Variants in CDK14 observed in about 807,000 individuals in gnomAD.
The protein encoded by CDK14 is cyclin dependent kinase 14.
CDK14 carries 34 observed loss-of-function variants against 60.7 expected under a neutral mutation model. The observed-to-expected ratio is 0.56, with a 90% CI of 0.43 to 0.75. The LOEUF (loss-of-function observed/expected upper bound fraction) is 0.75. Ranked by LOEUF, CDK14 falls within the 30% of genes least tolerant of loss-of-function variation. CDK14 has a pLI of 0.00. For synonymous variants in CDK14, 197 were observed against 203.7 expected (o/e 0.97, Z 0.28); for missense variants, 482 against 564.1 (o/e 0.85, Z 1.47).
At chr7:90,724,743 T>G (rs1321340943) in intron 2 of CDK14, among the ~76,000 whole-genome samples, 1 of 152,086 alleles carries the variant, frequency 6.6e-6, no homozygotes, top group South Asian at 2.1e-4. Context: ...GTAATTTGAT[T>G]TCAACGTGCC....
At chr7:91,039,478 G>A (rs76912813) in intron 10 of CDK14, among the ~76,000 whole-genome samples, 61 of 152,200 alleles carry the variant, frequency 4.0e-4, no homozygotes, top group African/African-American at 1.4e-3. Flanking sequence ...AAAAACGTGG[G>A]TCCCCTCCAC....
rs1032460591 is a variant in CDK14 at position 91,209,116 on chromosome 7, A to G, written c.*1980A>G. On this transcript the variant is annotated 3_prime_UTR_variant, in exon 15 of 15. Transcript: ENST00000380050. ...TTTGGAGAAGAGGCATGACCTTTGTATTTCACTAAGTTTAAAGCAAGAGCA... is the reference window on the plus strand; with the variant it reads ...TTTGGAGAAGAGGCATGACCTTTGTGTTTCACTAAGTTTAAAGCAAGAGCA... 2 of 152,498 alleles carry G rather than the reference A, an allele frequency of 1.3e-5. No individual in the cohort carries two copies. The highest frequency in any genetic ancestry group is 6.5e-5 in the Admixed American group (1 of 15,290). The allele number at this position is 152,498 out of a possible 1,614,324, so 9.4% of individuals were successfully genotyped here.
chr7:90,808,837 CT>C (rs1788972657), intron 5 of CDK14, among the ~76,000 whole-genome samples: 1 of 152,068 alleles, frequency 6.6e-6, no homozygotes, highest in South Asian at 2.1e-4. Context: ...ATAAGACAGA[CT>C]TTAAACCAAC....
chr7:90,733,424 T>C (rs1802954223), intron 3 of CDK14, among the ~76,000 whole-genome samples: 1 of 151,876 alleles, frequency 6.6e-6, no homozygotes, highest in African/African-American at 2.4e-5. Context: ...CTGTCTGATA[T>C]TAAAGTTTCC....
intron 6 of CDK14, among the ~76,000 whole-genome samples, chr7:90,864,219 G>A (rs1434784481): frequency 3.3e-5 from 5 of 151,872 alleles, no homozygotes; most frequent in Non-Finnish European, 5.9e-5. Context: ...TGAAGAAGCC[G>A]TTTATCTTGT....
chr7:91,167,028 C>T (rs937661426), intron 14 of CDK14, among the ~76,000 whole-genome samples: 1 of 152,192 alleles, frequency 6.6e-6, no homozygotes. Context: ...TTAGTATAGA[C>T]AAATTGTACT....
At chr7:90,823,110 C>T (rs931243894) in intron 5 of CDK14, among the ~76,000 whole-genome samples, 9 of 152,160 alleles carry the variant, frequency 5.9e-5, no homozygotes, top group African/African-American at 1.4e-4. Flanking sequence ...TCTGTGTCCA[C>T]CCTCTTTATG....
At chr7:90,837,378 C>T (rs1192041472) in intron 5 of CDK14, among the ~76,000 whole-genome samples, 2 of 151,592 alleles carry the variant, frequency 1.3e-5, no homozygotes, top group Non-Finnish European at 2.9e-5. Context: ...ACCTCCACCT[C>T]CTGGGTTCAA....
At chr7:91,068,473 GAAA>G (rs2116164073) in intron 11 of CDK14, among the ~76,000 whole-genome samples, 1 of 152,236 alleles carries the variant, frequency 6.6e-6, no homozygotes, top group African/African-American at 2.4e-5. Context: ...AATTACCACA[GAAA>G]GATTAATTTC....
At chr7:91,095,837 T>G (rs573511795) in intron 12 of CDK14, among the ~76,000 whole-genome samples, 3 of 152,106 alleles carry the variant, frequency 2.0e-5, no homozygotes, top group Admixed American at 2.0e-4. Context: ...GAATTTTGGG[T>G]GATTATTTTT....
At chr7:90,966,146 G>T (rs2117609280) in intron 9 of CDK14, among the ~76,000 whole-genome samples, 1 of 151,960 alleles carries the variant, frequency 6.6e-6, no homozygotes, top group African/African-American at 2.4e-5. Context: ...GTATTACTTT[G>T]ATATTGGAAC....
chr7:91,126,222 C>T (rs1305491693), intron 14 of CDK14, among the ~76,000 whole-genome samples: 1 of 152,088 alleles, frequency 6.6e-6, no homozygotes, highest in Non-Finnish European at 1.5e-5. Flanking sequence ...ACTGATTCTG[C>T]ACAGGCAGGA....
chr7:90,958,173 G>A (rs571594171), intron 9 of CDK14, among the ~76,000 whole-genome samples: 1 of 152,044 alleles, frequency 6.6e-6, no homozygotes, highest in Non-Finnish European at 1.5e-5. Flanking sequence ...AAACGTTATG[G>A]TGAGAAAACA....
chr7:90,910,498 A>G (rs775103431), intron 7 of CDK14, among the ~76,000 whole-genome samples: 2 of 152,200 alleles, frequency 1.3e-5, no homozygotes, highest in Non-Finnish European at 2.9e-5. Flanking sequence ...AAGGTTGTGC[A>G]GTCTATGGGT....
intron 5 of CDK14, among the ~76,000 whole-genome samples, chr7:90,796,787 G>C (rs1239199411): frequency 6.6e-6 from 1 of 151,858 alleles, no homozygotes; most frequent in Non-Finnish European, 1.5e-5. Context: ...TGTCTTGTTG[G>C]GAATGTGGGA....
intron 2 of CDK14, among the ~76,000 whole-genome samples, chr7:90,613,137 C>T (rs1488400963): frequency 6.6e-6 from 1 of 152,136 alleles, no homozygotes; most frequent in Non-Finnish European, 1.5e-5. Context: ...GACAGTGGCT[C>T]AAATGTCTGC....
intron 14 of CDK14, among the ~76,000 whole-genome samples, chr7:91,179,630 G>A (rs1236040581): frequency 2.6e-5 from 4 of 151,846 alleles, no homozygotes; most frequent in Admixed American, 6.6e-5. Flanking sequence ...GTGAAACCCC[G>A]TCTCTACTAA....
chr7:91,064,214 G>T (rs189182368), intron 11 of CDK14, among the ~76,000 whole-genome samples: 1 of 152,114 alleles, frequency 6.6e-6, no homozygotes, highest in Admixed American at 6.5e-5. Flanking sequence ...CATGTTTTTC[G>T]TTGCTGGTCA....
intron 14 of CDK14, among the ~76,000 whole-genome samples, chr7:91,122,122 A>G (rs1310687791): frequency 6.6e-6 from 1 of 152,194 alleles, no homozygotes; most frequent in Non-Finnish European, 1.5e-5. Context: ...TGGTTCACAG[A>G]CCCCATTCCT....
Sources: allele counts gnomAD v4.1 joint callset (sites outside exome capture counted in the v4.1 genomes callset), GRCh38; gene constraint gnomAD v4.1.1; transcripts MANE v1.5; gene names NCBI Gene and HGNC (gene_info 2026-07-23, HGNC 2026-07-21).